The following RALGAPA2 variants were observed in gnomAD, a reference collection of about 807,000 sequenced individuals.
RALGAPA2 encodes Ral GTPase activating protein catalytic subunit alpha 2.
Under a neutral mutation model 230.4 loss-of-function variants are expected in RALGAPA2, and 139 were observed. The ratio of observed to expected loss-of-function variants is 0.60; its 90% CI spans 0.53 to 0.69. The LOEUF (loss-of-function observed/expected upper bound fraction) is 0.69. Among genes scored for constraint, RALGAPA2 ranks in the 30% least tolerant of loss-of-function variants. RALGAPA2 has a pLI of 0.00. For missense variants in RALGAPA2, 2,163 were observed against 2,276.0 expected (o/e 0.95, Z 1.01); for synonymous variants, 847 against 837.8 (o/e 1.01, Z -0.19).
chr20:20,697,511 T>A (rs1034188112), intron 1 of RALGAPA2, among the ~76,000 whole-genome samples: 2 of 152,096 alleles, frequency 1.3e-5, no homozygotes, highest in East Asian at 3.9e-4. Flanking sequence ...GCAGTTCTGT[T>A]GTGGGAGGTA....
chr20:20,503,754 T>C (rs1234605228), intron 34 of RALGAPA2, among the ~76,000 whole-genome samples: 1 of 152,214 alleles, frequency 6.6e-6, no homozygotes, highest in Non-Finnish European at 1.5e-5. Context: ...GTATATAATC[T>C]CTAACTTTTT....
At chr20:20,396,880 A>G (rs1569357748) in intron 38 of RALGAPA2, 146 bp from the exon 39 acceptor site, 8 of 687,938 alleles carry the variant, frequency 1.2e-5, no homozygotes, top group Non-Finnish European at 1.5e-5. Context: ...AAAACTGAAC[A>G]TTCACTTGAA....
intron 30 of RALGAPA2, among the ~76,000 whole-genome samples, chr20:20,521,978 T>G (rs1023977805): frequency 6.6e-6 from 1 of 152,242 alleles, no homozygotes; most frequent in Non-Finnish European, 1.5e-5. Flanking sequence ...CACTTGACTA[T>G]GTCCTCTTCC....
intron 37 of RALGAPA2, 36 bp from the exon 38 acceptor site, chr20:20,412,184 A>G: frequency 1.2e-6 from 2 of 1,611,712 alleles, no homozygotes; most frequent in East Asian, 2.2e-5. Flanking sequence ...GTGCACGTGC[A>G]AAGTGGCATG....
intron 35 of RALGAPA2, among the ~76,000 whole-genome samples, chr20:20,497,087 AAAG>A (rs1406061839): frequency 6.6e-6 from 1 of 152,208 alleles, no homozygotes; most frequent in Non-Finnish European, 1.5e-5. Context: ...CATAAAAGTA[AAAG>A]AATAGCAGGC....
intron 1 of RALGAPA2, among the ~76,000 whole-genome samples, chr20:20,703,323 A>C (rs991246170): frequency 1.1e-4 from 17 of 152,264 alleles, no homozygotes; most frequent in African/African-American, 4.1e-4. Context: ...ACTCAGAAAC[A>C]AATCTACTAA....
chr20:20,704,719 G>GC (rs1279473729), intron 1 of RALGAPA2, among the ~76,000 whole-genome samples: 1 of 152,172 alleles, frequency 6.6e-6, no homozygotes, highest in African/African-American at 2.4e-5. Context: ...GAGGAGAATG[G>GC]GATTCTCAGA....
rs370319096 is a variant in RALGAPA2 at position 20,513,128 on chromosome 20, G to A, written c.4241C>T (p.Ser1414Phe). 13 of 1,570,358 alleles carry A rather than the reference G, an allele frequency of 8.3e-6. No individual in the cohort carries two copies. The highest frequency in any genetic ancestry group is 1.0e-5 in the Non-Finnish European group (12 of 1,161,572). ...ENHDNAHVEG[S>F]ELSFEVFRSP... ...TCTGAACACCTCAAAGGACAGCTCG[G>A]AGCCTTCCACATGGGCATTGTCATG... The change falls in exon 32 of 40, where the codon TCC becomes TTC. Residue 1414 changes from serine (S) to phenylalanine (F), a missense_variant. Ser to Phe is a radical substitution (Grantham distance 155). Coordinates refer to ENST00000202677, the MANE Select transcript of RALGAPA2 (RefSeq NM_020343.4).
intron 38 of RALGAPA2, among the ~76,000 whole-genome samples, chr20:20,407,617 G>A (rs1367558350): frequency 6.6e-6 from 1 of 152,236 alleles, no homozygotes; most frequent in South Asian, 2.1e-4. Flanking sequence ...TGTAACATAA[G>A]TGCCTCCATC....
intron 23 of RALGAPA2, among the ~76,000 whole-genome samples, chr20:20,552,541 TATCCCAGTA>T (rs1352141069): frequency 6.6e-6 from 1 of 152,220 alleles, no homozygotes; most frequent in Non-Finnish European, 1.5e-5. Flanking sequence ...GGGATCTGTT[TATCCCAGTA>T]ATCTGGCTAA....
At chr20:20,590,226 A>G (rs563253679) in intron 17 of RALGAPA2, among the ~76,000 whole-genome samples, 39 of 152,198 alleles carry the variant, frequency 2.6e-4, no homozygotes, top group African/African-American at 9.1e-4. Flanking sequence ...CTCCTCCATA[A>G]GTGAAATTAT....
chr20:20,548,016 T>C (rs2063820325), intron 23 of RALGAPA2, among the ~76,000 whole-genome samples: 1 of 152,188 alleles, frequency 6.6e-6, no homozygotes, highest in Non-Finnish European at 1.5e-5. Context: ...ACCACCATCA[T>C]ATATGTGGTC....
chr20:20,672,199 A>G (rs1188721547), intron 3 of RALGAPA2, among the ~76,000 whole-genome samples: 2 of 152,200 alleles, frequency 1.3e-5, no homozygotes, highest in African/African-American at 4.8e-5. Context: ...ACTCCCGGCA[A>G]AAGCAAAGAC....
chr20:20,646,630 C>T (rs2067224729), intron 4 of RALGAPA2, among the ~76,000 whole-genome samples: 1 of 152,052 alleles, frequency 6.6e-6, no homozygotes, highest in Non-Finnish European at 1.5e-5. Context: ...GTAAGTCTTA[C>T]TACTTTTGAA....
intron 20 of RALGAPA2, among the ~76,000 whole-genome samples, chr20:20,574,330 C>G (rs552708274): frequency 1.3e-5 from 2 of 152,240 alleles, no homozygotes; most frequent in East Asian, 3.9e-4. Context: ...AGTGTGCTAA[C>G]AAGTTCAAGG....
At chr20:20,621,525 GTTA>G (rs1428907731) in intron 10 of RALGAPA2, among the ~76,000 whole-genome samples, 5 of 115,464 alleles carry the variant, frequency 4.3e-5, no homozygotes, top group African/African-American at 9.9e-5. Context: ...TTCCTTTTTT[GTTA>G]TTATTATTTT....
intron 3 of RALGAPA2, among the ~76,000 whole-genome samples, chr20:20,667,283 T>C (rs1312588044): frequency 6.6e-6 from 1 of 152,214 alleles, no homozygotes; most frequent in African/African-American, 2.4e-5. Flanking sequence ...CCACTATCTA[T>C]ATAAGCTCAC....
intron 1 of RALGAPA2, among the ~76,000 whole-genome samples, chr20:20,696,542 C>T (rs1377165104): frequency 6.6e-6 from 1 of 152,022 alleles, no homozygotes; most frequent in Non-Finnish European, 1.5e-5. Flanking sequence ...GAGTAACATC[C>T]CAAGTCCTTA....
intron 20 of RALGAPA2, among the ~76,000 whole-genome samples, chr20:20,577,165 G>A (rs1422507015): frequency 2.0e-5 from 3 of 152,048 alleles, no homozygotes; most frequent in Admixed American, 1.3e-4. Context: ...TATGTTGTTG[G>A]CATTTTTAAG....
Sources: allele counts gnomAD v4.1 joint callset (sites outside exome capture counted in the v4.1 genomes callset), GRCh38; gene constraint gnomAD v4.1.1; transcripts MANE v1.5; gene names NCBI Gene and HGNC (gene_info 2026-07-23, HGNC 2026-07-21).